Variants in NINL observed in about 807,000 individuals in gnomAD.
The protein encoded by NINL is ninein-like protein.
In NINL, 153 loss-of-function variants were observed where a neutral mutation model predicts 160.3. The ratio of observed to expected loss-of-function variants is 0.95; its 90% CI spans 0.84 to 1.09. NINL has a LOEUF of 1.09. Among genes scored for constraint, NINL ranks in the 50% least tolerant of loss-of-function variants. The pLI, the probability that NINL is intolerant of heterozygous loss-of-function variation, is 0.00. For synonymous variants in NINL, 800 were observed against 734.8 expected, an observed-to-expected ratio of 1.09 and a Z score of -1.43; for missense variants, 1,829 against 1,764.0, an observed-to-expected ratio of 1.04 and a Z score of -0.66.
At chr20:25,496,569 A>G (rs2063757312) in intron 10 of NINL, 94 bp downstream of exon 10, 1 of 1,470,238 alleles carries the variant, frequency 6.8e-7, no homozygotes. Context: ...CCACACCCGC[A>G]GCTCTGGCCC....
intron 1 of NINL, among the ~76,000 whole-genome samples, chr20:25,571,110 G>A (rs1193313077): frequency 6.6e-6 from 1 of 152,152 alleles, no homozygotes. Context: ...AGCCCCGATG[G>A]CTGGCTGGGT....
intron 1 of NINL, among the ~76,000 whole-genome samples, chr20:25,561,266 T>C (rs1044246708): frequency 3.9e-5 from 6 of 152,202 alleles, no homozygotes; most frequent in African/African-American, 1.4e-4. Flanking sequence ...CTCCAGCTCC[T>C]AAGCGCGAGT....
intron 1 of NINL, among the ~76,000 whole-genome samples, chr20:25,545,568 G>C (rs2064721720): frequency 6.6e-6 from 1 of 152,104 alleles, no homozygotes; most frequent in South Asian, 2.1e-4. Context: ...AGGATGGGGG[G>C]TTGGACTGCC....
intron 1 of NINL, among the ~76,000 whole-genome samples, chr20:25,568,973 T>G (rs992453526): frequency 5.3e-5 from 8 of 151,638 alleles, no homozygotes; most frequent in Non-Finnish European, 1.0e-4. Context: ...CTCACACCTG[T>G]AATCCCAGCA....
intron 3 of NINL, among the ~76,000 whole-genome samples, chr20:25,515,148 G>C (rs2064139091): frequency 6.6e-6 from 1 of 152,238 alleles, no homozygotes; most frequent in African/African-American, 2.4e-5. Context: ...CTCAACATCA[G>C]CCCATGAAAG....
In NINL at chr20:25,583,362, T is replaced by C. The variant is rs185958579; in HGVS notation, c.-12+2093A>G. Reference sequence around the variant, plus strand: ...AGACATTTATGCAGCCAACAACATATATTAAAAAAAAAGCTCATCATCACT... The same window carrying C: ...AGACATTTATGCAGCCAACAACATACATTAAAAAAAAAGCTCATCATCACT... On this transcript the variant is annotated intron_variant, in intron 1 of 23. Transcript: ENST00000278886. Among the ~76,000 whole-genome samples the C allele has an allele frequency of 9.6e-3, 1,458 of 151,828 alleles. 7 individuals carry two copies. The highest frequency in any genetic ancestry group is 0.016 in the Non-Finnish European group (1,070 of 67,920).
At chr20:25,459,772 A>G (rs1439896060) in intron 21 of NINL, among the ~76,000 whole-genome samples, 7 of 152,142 alleles carry the variant, frequency 4.6e-5, no homozygotes, top group African/African-American at 1.4e-4. Context: ...ATCTCTGCCC[A>G]TGGTGGGCAG....
chr20:25,519,527 T>C (rs1327984183), intron 2 of NINL, among the ~76,000 whole-genome samples: 2 of 152,222 alleles, frequency 1.3e-5, no homozygotes, highest in African/African-American at 4.8e-5. Flanking sequence ...ATTCTTTTTT[T>C]ACAAAGAAAT....
chr20:25,547,349 G>T (rs2064747417), intron 1 of NINL, among the ~76,000 whole-genome samples: 1 of 152,034 alleles, frequency 6.6e-6, no homozygotes, highest in East Asian at 1.9e-4. Flanking sequence ...TAATAAACCG[G>T]TAAACATTTG....
chr20:25,467,320 AAAATGATTTC>A, intron 19 of NINL, 59 bp downstream of exon 19: 2 of 1,288,234 alleles, frequency 1.6e-6, no homozygotes, highest in Non-Finnish European at 2.3e-6. Context: ...TTGTAAGTTT[AAAATGATTTC>A]AAAATAATGA....
intron 1 of NINL, among the ~76,000 whole-genome samples, chr20:25,546,526 A>AT (rs1480998478): frequency 6.6e-6 from 1 of 152,174 alleles, no homozygotes; most frequent in Non-Finnish European, 1.5e-5. Flanking sequence ...AAAAGTCACA[A>AT]TTTCTAAATA....
intron 1 of NINL, among the ~76,000 whole-genome samples, chr20:25,552,661 T>C (rs571644844): frequency 6.6e-6 from 1 of 152,036 alleles, no homozygotes. Context: ...TGAAGTCAAC[T>C]CAGTCAGGTC....
At chr20:25,516,669 A>G (rs1023405341) in intron 3 of NINL, among the ~76,000 whole-genome samples, 1 of 152,090 alleles carries the variant, frequency 6.6e-6, no homozygotes, top group Non-Finnish European at 1.5e-5. Context: ...TTCACATCTT[A>G]AAGAAGGAAA....
At chr20:25,479,934 C>T (rs1400212872) in intron 15 of NINL, among the ~76,000 whole-genome samples, 2 of 152,226 alleles carry the variant, frequency 1.3e-5, no homozygotes, top group East Asian at 3.9e-4. Flanking sequence ...AGTATCACAC[C>T]ATTCCCTCCC....
intron 5 of NINL, among the ~76,000 whole-genome samples, chr20:25,507,882 G>A (rs1285681250): frequency 1.3e-5 from 2 of 152,174 alleles, no homozygotes; most frequent in Non-Finnish European, 2.9e-5. Context: ...AGAAGAGGTC[G>A]GGCAAGTCCT....
chr20:25,458,108 C>T (rs1300294147), intron 22 of NINL, among the ~76,000 whole-genome samples: 2 of 152,172 alleles, frequency 1.3e-5, no homozygotes, highest in African/African-American at 2.4e-5. Context: ...ATACCCCCTA[C>T]CCCAGGGCCT....
At chr20:25,475,550 C>A (rs2063210263) in intron 17 of NINL, among the ~76,000 whole-genome samples, 2 of 152,196 alleles carry the variant, frequency 1.3e-5, no homozygotes, top group South Asian at 4.1e-4. Flanking sequence ...GGGTATACAG[C>A]CTCTTCTGGG....
intron 12 of NINL, 84 bp downstream of exon 12, chr20:25,489,791 A>G (rs2063582813): frequency 1.9e-6 from 2 of 1,078,486 alleles, no homozygotes; most frequent in Middle Eastern, 2.1e-4. Context: ...GACCTGCCGC[A>G]TCTCTCCCTG....
intron 22 of NINL, 44 bp downstream of exon 22, chr20:25,458,336 CCCT>C (rs764280569): frequency 3.7e-6 from 6 of 1,600,858 alleles, no homozygotes; most frequent in South Asian, 1.1e-5. Context: ...GCCCGCCTCA[CCCT>C]CCTCCTCATC....
Sources: allele counts gnomAD v4.1 joint callset (sites outside exome capture counted in the v4.1 genomes callset), GRCh38; gene constraint gnomAD v4.1.1; transcripts MANE v1.5; gene names NCBI Gene and HGNC (gene_info 2026-07-23, HGNC 2026-07-21).